ZNF704: variants seen among roughly 807,000 people sequenced by gnomAD.
ZNF704 encodes the protein zinc finger protein 704.
ZNF704 carries 10 observed loss-of-function variants against 44.7 expected under a neutral mutation model. The observed-to-expected ratio is 0.22, with a 90% CI of 0.14 to 0.38. The LOEUF (loss-of-function observed/expected upper bound fraction) is 0.38. ZNF704 is among the 10% of genes least tolerant of loss of function. The probability of loss-of-function intolerance (pLI) is 1.00; values close to 1 mark genes in which losing one functional copy is unlikely to be tolerated. For synonymous variants in ZNF704, 211 were observed against 207.6 expected (o/e 1.02, Z -0.14); for missense variants, 390 against 545.5 (o/e 0.71, Z 2.84).
At chr8:80,713,259 T>C (rs181745923) in intron 2 of ZNF704, among the ~76,000 whole-genome samples, 7 of 152,312 alleles carry the variant, frequency 4.6e-5, no homozygotes, top group Non-Finnish European at 7.4e-5. Context: ...AGTAATGATG[T>C]TGGATATTTG....
chr8:80,715,667 A>G (rs1057382290), intron 2 of ZNF704, among the ~76,000 whole-genome samples: 6 of 152,248 alleles, frequency 3.9e-5, no homozygotes, highest in African/African-American at 1.4e-4. Flanking sequence ...ACTTTAAAAT[A>G]TAACACAGAT....
chr8:80,768,540 C>T (rs1818398817), intron 2 of ZNF704, among the ~76,000 whole-genome samples: 1 of 152,174 alleles, frequency 6.6e-6, no homozygotes, highest in Non-Finnish European at 1.5e-5. Context: ...GAGACAACTA[C>T]TGATTCTCAA....
chr8:80,874,237 G>A lies in ZNF704; in HGVS notation c.-22+334C>T, dbSNP rs1274099919. ...GCCGCCTTCGCTGGACCGGCCGGCG[G>A]GGACGCCGGCGGCCGGCGGCTACGG... On this transcript the variant is annotated intron_variant, in intron 1 of 8. Coordinates refer to ENST00000327835, the MANE Select transcript of ZNF704 (RefSeq NM_001033723.3). The surrounding 1 kb of genome is among the most constrained non-coding windows in gnomAD (Gnocchi z 4.4). 1.4e-5 allele frequency among the ~76,000 whole-genome samples: 2 copies of A among 145,002 alleles called. No homozygotes were observed. The highest frequency in any genetic ancestry group is 3.1e-5 in the Non-Finnish European group (2 of 65,530).
chr8:80,691,625 A>T (rs996408078), intron 3 of ZNF704, among the ~76,000 whole-genome samples: 1 of 151,358 alleles, frequency 6.6e-6, no homozygotes, highest in Non-Finnish European at 1.5e-5. Context: ...CTTTTACATA[A>T]CTCTCTCATG....
chr8:80,661,093 A>G (rs1818095156), intron 6 of ZNF704, among the ~76,000 whole-genome samples: 1 of 152,196 alleles, frequency 6.6e-6, no homozygotes, highest in Non-Finnish European at 1.5e-5. Context: ...CAAACAACTC[A>G]ATAGCAAAAA....
Position 80,635,896 on chromosome 8 carries a change from T to G in ZNF704, c.*5470A>C, listed in dbSNP as rs1207802399. On this transcript the variant is annotated 3_prime_UTR_variant, in exon 9 of 9. Coordinates refer to ENST00000327835, the MANE Select transcript of ZNF704 (RefSeq NM_001033723.3). ...TTAAAAAGATATGCATCAAAACATT[T>G]GCTTAAAAGAGACATAGCCCTTTGT... The G allele has an allele frequency of 6.6e-6, 1 of 152,182 alleles. No individual in the cohort carries two copies. Among genetic ancestry groups the G allele is most frequent in the Non-Finnish European group, 1.5e-5 (1 of 68,022 alleles). The allele number at this position is 152,182 out of a possible 1,614,324, so 9.4% of individuals were successfully genotyped here.
intron 2 of ZNF704, among the ~76,000 whole-genome samples, chr8:80,749,313 C>G (rs1330491025): frequency 6.6e-6 from 1 of 152,134 alleles, no homozygotes; most frequent in Admixed American, 6.5e-5. Context: ...CCTCGCCCCA[C>G]TTTTTGTCTT....
intron 2 of ZNF704, among the ~76,000 whole-genome samples, chr8:80,791,246 A>C (rs1807703339): frequency 6.6e-6 from 1 of 152,250 alleles, no homozygotes; most frequent in Admixed American, 6.5e-5. Flanking sequence ...AGGATAATCA[A>C]CAAGAACCTC....
chr8:80,759,987 C>T (rs555339908), intron 2 of ZNF704, among the ~76,000 whole-genome samples: 1 of 152,062 alleles, frequency 6.6e-6, no homozygotes, highest in Non-Finnish European at 1.5e-5. Context: ...GAATGCCTGG[C>T]TTCAAGTGAT....
At chr8:80,861,107 T>C (rs1465259431) in intron 1 of ZNF704, among the ~76,000 whole-genome samples, 1 of 152,246 alleles carries the variant, frequency 6.6e-6, no homozygotes, top group Non-Finnish European at 1.5e-5. Context: ...GCATGCAGAT[T>C]GAATGTAATT....
intron 7 of ZNF704, 83 bp from the exon 8 acceptor site, chr8:80,643,212 T>A: frequency 1.0e-6 from 1 of 968,684 alleles, no homozygotes. Context: ...TGGACACTGA[T>A]CCTTGACCAT....
chr8:80,672,727 A>T (rs922286497), intron 4 of ZNF704, among the ~76,000 whole-genome samples: 2 of 152,168 alleles, frequency 1.3e-5, no homozygotes, highest in African/African-American at 4.8e-5. Flanking sequence ...ACATGGACAT[A>T]AAGATGGAAA....
intron 1 of ZNF704, among the ~76,000 whole-genome samples, chr8:80,838,002 T>C (rs1413401028): frequency 5.3e-5 from 8 of 152,066 alleles, no homozygotes; most frequent in African/African-American, 1.9e-4. Flanking sequence ...AACAGAAGGG[T>C]TGCTCTAAAG....
chr8:80,643,789 G>A (rs1041907004), intron 7 of ZNF704, among the ~76,000 whole-genome samples: 1 of 152,136 alleles, frequency 6.6e-6, no homozygotes, highest in African/African-American at 2.4e-5. Context: ...CATGAACCCT[G>A]TCAAGTAGGG....
At chr8:80,842,282 A>C (rs887343630) in intron 1 of ZNF704, among the ~76,000 whole-genome samples, 3 of 152,322 alleles carry the variant, frequency 2.0e-5, no homozygotes, top group Admixed American at 2.0e-4. Context: ...GTCCTCATCT[A>C]TAAGATAGGG....
At chr8:80,751,261 G>T (rs760746405) in intron 2 of ZNF704, among the ~76,000 whole-genome samples, 1 of 152,068 alleles carries the variant, frequency 6.6e-6, no homozygotes, top group East Asian at 1.9e-4. Context: ...CTGGGCCAGC[G>T]TGCTGGTTCT....
chr8:80,759,583 C>T (rs1050171757), intron 2 of ZNF704, among the ~76,000 whole-genome samples: 4 of 152,068 alleles, frequency 2.6e-5, no homozygotes, highest in African/African-American at 9.7e-5. Flanking sequence ...GGTGGGGAGG[C>T]CCACATAACA....
rs117274059 is a variant in ZNF704, at chr8:80,821,139, T to C, written c.221+235A>G. On this transcript the variant is annotated intron_variant, in intron 2 of 8. Transcript: ENST00000327835. ...GCTCTTTATTATTCATTTATTAAAATTGAATAAAACATTTCTTTTCTAGAG... is the reference window on the plus strand; with the variant it reads ...GCTCTTTATTATTCATTTATTAAAACTGAATAAAACATTTCTTTTCTAGAG... 5.2e-3 allele frequency among the ~76,000 whole-genome samples: 793 copies of C among 152,338 alleles called. 12 individuals carry two copies. Among genetic ancestry groups the C allele is most frequent in the South Asian group, 0.024 (117 of 4,826 alleles).
intron 2 of ZNF704, among the ~76,000 whole-genome samples, chr8:80,723,877 T>C (rs1437363973): frequency 6.6e-6 from 1 of 152,206 alleles, no homozygotes; most frequent in Non-Finnish European, 1.5e-5. Flanking sequence ...AGCCGACTGA[T>C]AGATGTTCAA....
Sources: allele counts gnomAD v4.1 joint callset (sites outside exome capture counted in the v4.1 genomes callset), GRCh38; gene constraint gnomAD v4.1.1; non-coding constraint Gnocchi (gnomAD v3.1); transcripts MANE v1.5; gene names NCBI Gene and HGNC (gene_info 2026-07-23, HGNC 2026-07-21).